Variants in SCOC observed in about 807,000 individuals in gnomAD.
SCOC encodes the protein short coiled-coil protein, also known as short coiled coil protein.
Under a neutral mutation model 9.9 loss-of-function variants are expected in SCOC, and 7 were observed. The ratio of observed to expected loss-of-function variants is 0.71; its 90% CI spans 0.40 to 1.33. SCOC has a LOEUF of 1.33. Among genes scored for constraint, SCOC ranks in the 40% most tolerant of loss-of-function variants. The pLI is 0.01. For missense variants in SCOC, 66 were observed against 89.7 expected (o/e 0.74, Z 1.07); for synonymous variants, 19 against 28.2 (o/e 0.67, Z 1.03).
Position 140,337,747 on chromosome 4 carries a change from C to T in SCOC, c.-18-5874C>T, listed in dbSNP as rs900032186. Among the ~76,000 whole-genome samples, 107 of 152,094 alleles carry T rather than the reference C, an allele frequency of 7.0e-4. 5 individuals carry two copies. Among genetic ancestry groups the T allele is most frequent in the Middle Eastern group, 3.2e-3 (1 of 316 alleles). ...ACACACACACCCTCCCAAGGCTAAA[C>T]CAGGAAGAAGTAGAATCTCTGAATA... On this transcript the variant is annotated intron_variant, in intron 1 of 4. Transcript: ENST00000394205.
chr4:140,275,823 T>TG (rs1169450385), intron 1 of SCOC, among the ~76,000 whole-genome samples: 2 of 147,648 alleles, frequency 1.4e-5, no homozygotes, highest in Admixed American at 1.3e-4. Flanking sequence ...CAGGTTTGTT[T>TG]TTTTTTTTTT....
chr4:140,262,905 G>A (rs961975005), intron 1 of SCOC, among the ~76,000 whole-genome samples: 1 of 151,996 alleles, frequency 6.6e-6, no homozygotes, highest in Non-Finnish European at 1.5e-5. Flanking sequence ...AACAGCCCCA[G>A]GTAGATAGTG....
intron 2 of SCOC, among the ~76,000 whole-genome samples, chr4:140,348,775 T>C (rs1385999361): frequency 6.6e-6 from 1 of 152,162 alleles, no homozygotes; most frequent in African/African-American, 2.4e-5. Flanking sequence ...TTTTAATGTT[T>C]TGAGGAACCT....
At chr4:140,293,126 T>TC (rs1487329215) in intron 1 of SCOC, 2 of 367,140 alleles carry the variant, frequency 5.4e-6, no homozygotes, top group South Asian at 4.1e-5. Context: ...GCTCATGTGT[T>TC]CCCCCCTATA....
chr4:140,356,220 T>C (rs896470735), intron 2 of SCOC, among the ~76,000 whole-genome samples: 1 of 152,224 alleles, frequency 6.6e-6, no homozygotes. Context: ...TCTCAAACTA[T>C]AGAAAATTTT....
chr4:140,280,880 G>A (rs1731082090), intron 1 of SCOC, among the ~76,000 whole-genome samples: 1 of 152,110 alleles, frequency 6.6e-6, no homozygotes, highest in African/African-American at 2.4e-5. Context: ...GGAGATTTGA[G>A]GGCTCCCAAT....
At chr4:140,335,994 T>C (rs1434437483) in intron 1 of SCOC, among the ~76,000 whole-genome samples, 1 of 152,174 alleles carries the variant, frequency 6.6e-6, no homozygotes, top group African/African-American at 2.4e-5. Flanking sequence ...ATTGTTTCAA[T>C]AATAAAGATG....
At chr4:140,308,517 C>A (rs1045756572) in intron 1 of SCOC, among the ~76,000 whole-genome samples, 1 of 152,176 alleles carries the variant, frequency 6.6e-6, no homozygotes, top group Admixed American at 6.5e-5. Context: ...GGCCTCAGAT[C>A]ACCCTCCTGC....
chr4:140,323,767 C>T (rs1732569383), intron 1 of SCOC, among the ~76,000 whole-genome samples: 1 of 152,120 alleles, frequency 6.6e-6, no homozygotes, highest in Non-Finnish European at 1.5e-5. Context: ...AAACTCCTAG[C>T]CTAGATGGTT....
chr4:140,297,808 G>A (rs1009948598), intron 1 of SCOC, among the ~76,000 whole-genome samples: 1 of 152,134 alleles, frequency 6.6e-6, no homozygotes, highest in Non-Finnish European at 1.5e-5. Flanking sequence ...GCTCTCCATT[G>A]TTCCTGAAAT....
chr4:140,355,449 A>T (rs1172615924), intron 2 of SCOC, among the ~76,000 whole-genome samples: 1 of 152,058 alleles, frequency 6.6e-6, no homozygotes, highest in Non-Finnish European at 1.5e-5. Context: ...TGGGCTTGGA[A>T]AGGTTTAGTA....
intron 1 of SCOC, among the ~76,000 whole-genome samples, chr4:140,275,813 C>T (rs1034020692): frequency 1.4e-5 from 2 of 146,794 alleles, no homozygotes; most frequent in East Asian, 4.0e-4. Flanking sequence ...TGAACTCGCT[C>T]AGGTTTGTTT....
At chr4:140,315,669 AC>A (rs1416403733) in intron 1 of SCOC, among the ~76,000 whole-genome samples, 1 of 152,182 alleles carries the variant, frequency 6.6e-6, no homozygotes, top group African/African-American at 2.4e-5. Context: ...GTCTAGTGGA[AC>A]CAGGGTATGT....
At chr4:140,317,113 A>T (rs981324229) in intron 1 of SCOC, among the ~76,000 whole-genome samples, 2 of 152,048 alleles carry the variant, frequency 1.3e-5, no homozygotes, top group Non-Finnish European at 2.9e-5. Context: ...TGACATTTTG[A>T]TGCTTCCAAG....
intron 1 of SCOC, among the ~76,000 whole-genome samples, chr4:140,261,438 G>T (rs147473373): frequency 6.6e-6 from 1 of 152,192 alleles, no homozygotes; most frequent in African/African-American, 2.4e-5. Context: ...AGAGGATGTT[G>T]CTCCCTTCCC....
chr4:140,373,602 C>T, upstream of SCOC: 2 of 1,551,676 alleles, frequency 1.3e-6, no homozygotes, highest in Non-Finnish European at 1.7e-6. Flanking sequence ...TGGGATTCTT[C>T]TCACGGCGCA....
intron 1 of SCOC, among the ~76,000 whole-genome samples, chr4:140,273,671 C>T (rs1026109558): frequency 8.6e-5 from 13 of 152,008 alleles, no homozygotes; most frequent in African/African-American, 3.1e-4. Flanking sequence ...CCTAATTTCA[C>T]TGTCAAGGTT....
intron 1 of SCOC, among the ~76,000 whole-genome samples, chr4:140,324,047 C>T (rs1188093964): frequency 6.6e-6 from 1 of 151,778 alleles, no homozygotes; most frequent in Non-Finnish European, 1.5e-5. Flanking sequence ...ATAGCAGATC[C>T]CAGGAAAGAA....
At chr4:140,296,650 C>T (rs1295638836) in intron 1 of SCOC, among the ~76,000 whole-genome samples, 1 of 152,136 alleles carries the variant, frequency 6.6e-6, no homozygotes, top group Admixed American at 6.5e-5. Context: ...ATGCAGGCTG[C>T]CTGCCTTGCC....
Sources: allele counts gnomAD v4.1 joint callset (sites outside exome capture counted in the v4.1 genomes callset), GRCh38; gene constraint gnomAD v4.1.1; transcripts MANE v1.5; gene names NCBI Gene and HGNC (gene_info 2026-07-23, HGNC 2026-07-21).